The following GRM6 variants were observed in gnomAD, a reference collection of about 807,000 sequenced individuals.
The protein encoded by GRM6 is metabotropic glutamate receptor 6.
A neutral mutation model predicts 78.4 loss-of-function variants in GRM6; 73 were observed. That is an observed-to-expected ratio of 0.93 (90% CI 0.77 to 1.13). The LOEUF (loss-of-function observed/expected upper bound fraction) is 1.13, where lower values mean the gene tolerates loss of function less well. GRM6 is among the 50% of genes most tolerant of loss of function. The probability of loss-of-function intolerance (pLI) is 0.00; values close to 1 mark genes in which losing one functional copy is unlikely to be tolerated. For synonymous variants in GRM6, 580 were observed against 555.0 expected (o/e 1.05, Z -0.63); for missense variants, 1,251 against 1,256.4 (o/e 1.00, Z 0.07).
chr5:178,982,777 AG>A (rs1438540292), intron 10 of GRM6, 132 bp downstream of exon 10: 1 of 688,174 alleles, frequency 1.5e-6, no homozygotes, highest in African/African-American at 1.8e-5. Context: ...CAAAGTAAGA[AG>A]GGAATGAGTG....
Position 178,994,435 on chromosome 5 carries a change from C to T in GRM6, c.504+6G>A. On this transcript the variant is annotated splice_donor_region_variant and intron_variant, in intron 2 of 10. Coordinates refer to ENST00000517717, the MANE Select transcript of GRM6 (RefSeq NM_000843.4). ...TGGACACCGAGCCCGGCCCCGCGGCCCTCACCGCAAACAGGCGCAGCACGT... is the reference window on the plus strand; with the variant it reads ...TGGACACCGAGCCCGGCCCCGCGGCTCTCACCGCAAACAGGCGCAGCACGT... 1 of 1,491,958 alleles carries T rather than the reference C, an allele frequency of 6.7e-7. No homozygotes were observed. Among genetic ancestry groups the T allele is most frequent in the Non-Finnish European group, 8.9e-7 (1 of 1,126,868 alleles). 92.4% of individuals were successfully genotyped at this position (1,491,958 alleles called of 1,614,324 possible).
rs776098657 is a variant in GRM6, at chr5:178,986,163, C to T, written c.2091G>A (p.Gln697=). Residue 697 remains glutamine, a synonymous_variant, in exon 9 of 11, where the codon CAG becomes CAA. Transcript: ENST00000517717. ...AGGTGAGGCTGAAGGTGATGACCAG[C>T]TGTGAGGTGGGGCTGATGAAGGGAG... ...TPPPFISPTS[Q]LVITFSLTSL... 2 of 1,613,758 alleles carry T rather than the reference C, an allele frequency of 1.2e-6. No homozygotes were observed. Among genetic ancestry groups the T allele is most frequent in the South Asian group, 2.2e-5 (2 of 91,054 alleles).
At chr5:178,987,444 G>C (rs535778935) in intron 7 of GRM6, 10 of 457,502 alleles carry the variant, frequency 2.2e-5, no homozygotes, top group Non-Finnish European at 4.0e-5. Flanking sequence ...CGAACACGAC[G>C]GGGCCATTCA....
Position 178,988,866 on chromosome 5 carries a change from C to T in GRM6, c.1354+69G>A. The T allele has an allele frequency of 7.6e-7, 1 of 1,324,432 alleles. No homozygotes were observed. The highest frequency in any genetic ancestry group is 2.4e-5 in the East Asian group (1 of 41,702). The allele number at this position is 1,324,432 out of a possible 1,614,324, so 82.0% of individuals were successfully genotyped here. On this transcript the variant is annotated intron_variant, in intron 7 of 10. Coordinates refer to ENST00000517717, the MANE Select transcript of GRM6 (RefSeq NM_000843.4). This position sits in a 1 kb window ranked among gnomAD's most constrained non-coding sequence, Gnocchi z 6.0. ...CAGCCCTTCCACCCTGAGGTTGTCCCAGGCCTCACAGCAAAATCCAGCCCC... is the reference window on the plus strand; with the variant it reads ...CAGCCCTTCCACCCTGAGGTTGTCCTAGGCCTCACAGCAAAATCCAGCCCC...
At position 178,991,964 on chromosome 5, in the gene GRM6, C is replaced by T; in HGVS notation, c.624G>A (p.Val208=). The change falls in exon 3 of 11, where the codon GTG becomes GTA. Residue 208 remains valine, a synonymous_variant. Transcript: ENST00000517717. The surrounding 1 kb of genome is among the most constrained non-coding windows in gnomAD (Gnocchi z 5.0). ...SYQAQAMVDI[V]RALGWNYVST... is the part of the protein sequence containing the mutation. ...ACACATAGTTCCATCCCAGTGCCCTCACGATGTCCACCATGGCCTGCGCCT... is the reference window on the plus strand; with the variant it reads ...ACACATAGTTCCATCCCAGTGCCCTTACGATGTCCACCATGGCCTGCGCCT... The T allele has an allele frequency of 6.2e-7, 1 of 1,614,168 alleles. No homozygotes were observed. The highest frequency in any genetic ancestry group is 8.5e-7 in the Non-Finnish European group (1 of 1,180,022).
chr5:178,991,398 G>A lies in GRM6; in HGVS notation c.857+26C>T. On this transcript the variant is annotated intron_variant, in intron 4 of 10. Coordinates refer to ENST00000517717, the MANE Select transcript of GRM6 (RefSeq NM_000843.4). The surrounding 1 kb of genome is among the most constrained non-coding windows in gnomAD (Gnocchi z 5.0). The stretch of plus-strand genomic sequence containing the variant: ...GGGACCCTCAGGGAGAGCCCCAGGG[G>A]CCCGGTGATTGTGCCACTGTCCCAC... 1.2e-6 allele frequency: 2 copies of A among 1,610,782 alleles called. No individual in the cohort carries two copies. The highest frequency in any genetic ancestry group is 1.7e-5 in the Admixed American group (1 of 60,008).
At position 178,983,126 on chromosome 5, in the gene GRM6, CCCTCTGGCCTGCTCGGGGT is replaced by C. The variant is rs1222414424; in HGVS notation, c.2201_2219del (p.Asp734GlyfsTer81). ...GATCCGACATGTCGCACTTGAGCAC[CCCTCTGGCCTGCTCGGGGT>C]CCACCGTCCGCTGTTCCTCATAGTC... On this transcript the variant is annotated frameshift_variant, in exon 10 of 11. Transcript: ENST00000517717. LOFTEE classifies it high-confidence loss of function. The C allele has an allele frequency of 3.7e-6, 6 of 1,613,684 alleles. No homozygotes were observed. The highest frequency in any genetic ancestry group is 1.3e-5 in the African/African-American group (1 of 74,892).
chr5:178,978,412 T>G lies in GRM6; in HGVS notation c.*3245A>C, dbSNP rs1436693012. The G allele has an allele frequency of 6.6e-6, 1 of 152,208 alleles. No individual in the cohort carries two copies. The highest frequency in any genetic ancestry group is 1.5e-5 in the Non-Finnish European group (1 of 68,030). 9.4% of individuals were successfully genotyped at this position (152,208 alleles called of 1,614,324 possible). ...TCTTTACAGTAAGCAATGAATGTAA[T>G]AAATTAAAGGGAAATTTCTAAAGAG... On this transcript the variant is annotated 3_prime_UTR_variant, in exon 11 of 11. Transcript: ENST00000517717.
rs1457140111 is a variant in GRM6, at chr5:178,978,923, T to C, written c.*2734A>G. On this transcript the variant is annotated 3_prime_UTR_variant, in exon 11 of 11. Transcript: ENST00000517717. Reference sequence around the variant, plus strand: ...TGCATGCAAAAAAACAGGAAAATCTTTAGGGAGCTGTCAACCTCCACTGAA... The same window carrying C: ...TGCATGCAAAAAAACAGGAAAATCTCTAGGGAGCTGTCAACCTCCACTGAA... 1 of 152,090 alleles carries C rather than the reference T, an allele frequency of 6.6e-6. No individual in the cohort carries two copies. Among genetic ancestry groups the C allele is most frequent in the Admixed American group, 6.5e-5 (1 of 15,268 alleles). The allele number at this position is 152,090 out of a possible 1,614,324, so 9.4% of individuals were successfully genotyped here.
At position 178,992,167 on chromosome 5, in the gene GRM6, CG is replaced by C; in HGVS notation, c.505-85del. 1.1e-6 allele frequency: 1 copy of C among 900,440 alleles called. No individual in the cohort carries two copies. The highest frequency in any genetic ancestry group is 2.0e-5 in the Admixed American group (1 of 50,752). 55.8% of individuals were successfully genotyped at this position (900,440 alleles called of 1,614,324 possible). On this transcript the variant is annotated intron_variant, in intron 2 of 10. Transcript: ENST00000517717. This position sits in a 1 kb window ranked among gnomAD's most constrained non-coding sequence, Gnocchi z 4.9. ...GGGTAAGGGGGGCCCAGGACACGGA[CG>C]GGGCACAGAAGGTGTGTGGCATGGA...
At chr5:178,982,702 AAAG>A (rs998685633) in intron 10 of GRM6, 2 of 540,830 alleles carry the variant, frequency 3.7e-6, no homozygotes, top group African/African-American at 3.8e-5. Flanking sequence ...TAAAAAAAAA[AAAG>A]AAAAAAAGAA....
intron 9 of GRM6, chr5:178,985,434 C>CG (rs1561716449): frequency 2.0e-5 from 7 of 353,626 alleles, no homozygotes; most frequent in Admixed American, 7.9e-5. Context: ...CTGGGCGCAG[C>CG]GGCTCCCGCC....
intron 9 of GRM6, among the ~76,000 whole-genome samples, chr5:178,985,443 C>T (rs1308420167): frequency 1.3e-5 from 2 of 151,624 alleles, no homozygotes; most frequent in Admixed American, 6.6e-5. Flanking sequence ...GCGGCTCCCG[C>T]CTGTCATCCC....
rs1274655234 is a variant in GRM6, at chr5:178,992,009, C to T, written c.579G>A (p.Val193=). The T allele has an allele frequency of 5.0e-6, 8 of 1,614,148 alleles. No homozygotes were observed. Among genetic ancestry groups the T allele is most frequent in the Admixed American group, 3.3e-5 (2 of 60,026 alleles). Reference sequence around the variant, plus strand: ...GCGCCTGGTAGGAGTCGGGTGGCACCACCCGGGAGAAGAAGTCATAGCGTG... The same window carrying T: ...GCGCCTGGTAGGAGTCGGGTGGCACTACCCGGGAGAAGAAGTCATAGCGTG... ...DSTRYDFFSR[V]VPPDSYQAQA... is the part of the protein sequence containing the mutation. Residue 193 remains valine (V), a synonymous_variant, in exon 3 of 11, where the codon GTG becomes GTA. Transcript: ENST00000517717. This position sits in a 1 kb window ranked among gnomAD's most constrained non-coding sequence, Gnocchi z 4.9.
intron 9 of GRM6, chr5:178,985,601 G>A (rs546219708): frequency 2.9e-4 from 101 of 351,694 alleles, no homozygotes; most frequent in Admixed American, 1.7e-3. Flanking sequence ...TACTCGGGAG[G>A]CTGAGGCAGG....
rs141161139 is a variant in GRM6, at chr5:178,986,233, C to A, written c.2021G>T (p.Arg674Leu). 4 of 1,614,114 alleles carry A rather than the reference C, an allele frequency of 2.5e-6. No individual in the cohort carries two copies. The highest frequency in any genetic ancestry group is 3.4e-6 in the Non-Finnish European group (4 of 1,180,014). Residue 674 changes from arginine (R) to leucine (L), a missense_variant, in exon 9 of 11, where the codon CGT becomes CTT. By Grantham distance (102) the Arg-to-Leu change is moderately radical. Coordinates refer to ENST00000517717, the MANE Select transcript of GRM6 (RefSeq NM_000843.4). ...SYSALLTKTN[R>L]IYRIFEQGKR... ...GCCCTGCTCAAAGATGCGGTAGATA[C>A]GGTTGGTCTTGGTGAGCAGGGCAGA...
chr5:178,992,202 A>G lies in GRM6; in HGVS notation c.505-119T>C. On this transcript the variant is annotated intron_variant, in intron 2 of 10. Coordinates refer to ENST00000517717, the MANE Select transcript of GRM6 (RefSeq NM_000843.4). This position sits in a 1 kb window ranked among gnomAD's most constrained non-coding sequence, Gnocchi z 4.9. Reference sequence around the variant, plus strand: ...AAGGTGTGTGGCATGGACCTGGGACACAGATGGGAGATGGAAGGGTTGGGG... The same window carrying G: ...AAGGTGTGTGGCATGGACCTGGGACGCAGATGGGAGATGGAAGGGTTGGGG... 1.3e-6 allele frequency: 1 copy of G among 742,188 alleles called. No homozygotes were observed. Among genetic ancestry groups the G allele is most frequent in the Non-Finnish European group, 2.4e-6 (1 of 423,070 alleles). The allele number at this position is 742,188 out of a possible 1,614,324, so 46.0% of individuals were successfully genotyped here.
Position 178,992,003 on chromosome 5 carries a change from T to C in GRM6, c.585A>G (p.Pro195=). Residue 195 remains proline, a synonymous_variant, in exon 3 of 11, where the codon CCA becomes CCG. Coordinates refer to ENST00000517717, the MANE Select transcript of GRM6 (RefSeq NM_000843.4). The surrounding 1 kb of genome is among the most constrained non-coding windows in gnomAD (Gnocchi z 4.9). ...TGGCCTGCGCCTGGTAGGAGTCGGG[T>C]GGCACCACCCGGGAGAAGAAGTCAT... The part of the protein sequence containing the change: ...TRYDFFSRVV[P]PDSYQAQAMV... 6.2e-7 allele frequency: 1 copy of C among 1,613,990 alleles called. No individual in the cohort carries two copies. The highest frequency in any genetic ancestry group is 8.5e-7 in the Non-Finnish European group (1 of 1,179,978).
At position 178,992,329 on chromosome 5, in the gene GRM6, GTA is replaced by G; in HGVS notation, c.505-248_505-247del. On this transcript the variant is annotated intron_variant, in intron 2 of 10. Transcript: ENST00000517717. This position sits in a 1 kb window ranked among gnomAD's most constrained non-coding sequence, Gnocchi z 4.9. ...TCCGTGAATGCTGTGCAGGTGGGAGGTATGCAGGGCTGGGGAGAGGGCAGGAC... is the reference window on the plus strand; with the variant it reads ...TCCGTGAATGCTGTGCAGGTGGGAGGTGCAGGGCTGGGGAGAGGGCAGGAC... 1.5e-6 allele frequency: 1 copy of G among 646,112 alleles called. No individual in the cohort carries two copies. The highest frequency in any genetic ancestry group is 2.9e-6 in the Non-Finnish European group (1 of 347,884). The allele number at this position is 646,112 out of a possible 1,614,324, so 40.0% of individuals were successfully genotyped here. A position where few individuals can be genotyped will look rare whatever the true frequency, so the allele number is the denominator to read the frequency against.
Sources: gnomAD v4.1 joint callset for allele counts (sites outside exome capture counted in the v4.1 genomes callset) on GRCh38, gnomAD v4.1.1 for gene constraint, Gnocchi (gnomAD v3.1) non-coding constraint, MANE v1.5 for transcripts, NCBI Gene and HGNC (gene_info 2026-07-23, HGNC 2026-07-21) for gene names.